CTNNA2: variants seen among roughly 807,000 people sequenced by gnomAD.
CTNNA2 encodes catenin alpha 2.
A neutral mutation model predicts 101.0 loss-of-function variants in CTNNA2; 42 were observed. That is an observed-to-expected ratio of 0.42 (90% CI 0.32 to 0.54). The LOEUF (loss-of-function observed/expected upper bound fraction) is 0.54, where lower values mean the gene tolerates loss of function less well. Ranked by LOEUF, CTNNA2 falls within the 20% of genes least tolerant of loss-of-function variation. The pLI is 0.14. For synonymous variants in CTNNA2, 450 were observed against 456.4 expected (o/e 0.99, Z 0.18); for missense variants, 871 against 1,223.1 (o/e 0.71, Z 4.29).
At chr2:79,475,375 C>G (rs1232376891) in intron 4 of CTNNA2, among the ~76,000 whole-genome samples, 2 of 152,100 alleles carry the variant, frequency 1.3e-5, no homozygotes, top group Non-Finnish European at 2.9e-5. Context: ...AAAGGGAAGA[C>G]AAGTGAAGCT....
chr2:80,054,282 A>G (rs1036649614), intron 7 of CTNNA2, among the ~76,000 whole-genome samples: 25 of 152,170 alleles, frequency 1.6e-4, no homozygotes, highest in African/African-American at 5.8e-4. Context: ...TTGTGTTAGC[A>G]TTTGCTTTAG....
chr2:79,502,112 C>T (rs547588115), intron 4 of CTNNA2, among the ~76,000 whole-genome samples: 1 of 151,848 alleles, frequency 6.6e-6, no homozygotes, highest in African/African-American at 2.4e-5. Flanking sequence ...TAGCAAACAC[C>T]TGGGGCACAA....
At chr2:79,194,531 G>T (rs1468284416) in intron 1 of CTNNA2, among the ~76,000 whole-genome samples, 1 of 152,156 alleles carries the variant, frequency 6.6e-6, no homozygotes, top group East Asian at 1.9e-4. Flanking sequence ...TCAGCAAATA[G>T]GTTTCAGGAC....
intron 7 of CTNNA2, among the ~76,000 whole-genome samples, chr2:79,955,088 A>T (rs1275292564): frequency 6.6e-6 from 1 of 152,208 alleles, no homozygotes; most frequent in Non-Finnish European, 1.5e-5. Flanking sequence ...TGACTGCACC[A>T]GTTTAAAGCA....
At chr2:79,503,053 G>A (rs578235055) in intron 4 of CTNNA2, among the ~76,000 whole-genome samples, 4 of 152,106 alleles carry the variant, frequency 2.6e-5, no homozygotes, top group East Asian at 1.9e-4. Flanking sequence ...CTCATATCCC[G>A]ATATGGCACT....
At chr2:79,782,117 AT>A (rs1558924740) in intron 3 of CTNNA2, among the ~76,000 whole-genome samples, 1 of 152,152 alleles carries the variant, frequency 6.6e-6, no homozygotes, top group Non-Finnish European at 1.5e-5. Context: ...AAATCTTTAA[AT>A]TTTTTAAGGT....
intron 2 of CTNNA2, among the ~76,000 whole-genome samples, chr2:79,246,833 A>G (rs1674706676): frequency 6.6e-6 from 1 of 152,244 alleles, no homozygotes; most frequent in Non-Finnish European, 1.5e-5. Context: ...CATACTTGCT[A>G]ATTTCTGACT....
intron 7 of CTNNA2, among the ~76,000 whole-genome samples, chr2:80,247,838 T>A (rs1671446614): frequency 6.6e-6 from 1 of 152,040 alleles, no homozygotes; most frequent in South Asian, 2.1e-4. Flanking sequence ...TGAAGGAAAA[T>A]GAAATTAGAG....
At chr2:80,419,075 C>T (rs760775755) in intron 8 of CTNNA2, among the ~76,000 whole-genome samples, 6 of 152,110 alleles carry the variant, frequency 3.9e-5, no homozygotes, top group East Asian at 1.9e-4. Flanking sequence ...AAAGTTCTCC[C>T]GACTTGTTGG....
rs534028267 is a variant in CTNNA2, at chr2:79,845,451, C to A, written c.299-12562C>A. On this transcript the variant is annotated intron_variant, in intron 3 of 18. Coordinates refer to ENST00000402739, the MANE Select transcript of CTNNA2 (RefSeq NM_001282597.3). ...AGCACACATATAGCTATGTTCATATCATCAATGGTGCGCACTAAGAGAGTA... is the reference window on the plus strand; with the variant it reads ...AGCACACATATAGCTATGTTCATATAATCAATGGTGCGCACTAAGAGAGTA... 1.3e-5 allele frequency among the ~76,000 whole-genome samples: 2 copies of A among 152,194 alleles called. 1 individual carries two copies. Among genetic ancestry groups the A allele is most frequent in the African/African-American group, 4.8e-5 (2 of 41,518 alleles).
chr2:79,445,425 A>G (rs1678822303), intron 4 of CTNNA2, among the ~76,000 whole-genome samples: 1 of 152,164 alleles, frequency 6.6e-6, no homozygotes, highest in Non-Finnish European at 1.5e-5. Context: ...TCTCCTTCTT[A>G]TCTGTGAAAC....
intron 3 of CTNNA2, chr2:79,340,128 A>G (rs1195073832): frequency 6.6e-6 from 1 of 152,196 alleles, no homozygotes; most frequent in Non-Finnish European, 1.5e-5. Context: ...TGAGAGGTCC[A>G]TATTGTTATT....
intron 1 of CTNNA2, among the ~76,000 whole-genome samples, chr2:79,602,151 C>A (rs141902276): frequency 7.2e-4 from 109 of 152,222 alleles, no homozygotes; most frequent in Non-Finnish European, 1.3e-3. Flanking sequence ...AAGCCAGAGA[C>A]CATCTAGAGT....
At chr2:80,581,629 G>C (rs999970237) in intron 13 of CTNNA2, 77 bp from the exon 14 acceptor site, 2 of 878,248 alleles carry the variant, frequency 2.3e-6, no homozygotes, top group Non-Finnish European at 3.8e-6. Context: ...GGGATATTTA[G>C]CCTTTGCAAT....
At chr2:79,349,188 A>G (rs1314672174) in intron 3 of CTNNA2, among the ~76,000 whole-genome samples, 2 of 152,194 alleles carry the variant, frequency 1.3e-5, no homozygotes. Flanking sequence ...AAGTTTGTGG[A>G]TAGGGTATTG....
At chr2:79,782,657 T>A (rs1674541556) in intron 3 of CTNNA2, among the ~76,000 whole-genome samples, 1 of 152,230 alleles carries the variant, frequency 6.6e-6, no homozygotes, top group Non-Finnish European at 1.5e-5. Flanking sequence ...GTTGTCTTCC[T>A]GCTTGGGCAG....
Position 79,449,617 on chromosome 2 carries a change from CCT to C in CTNNA2, c.-134-55434_-134-55433del, listed in dbSNP as rs1481984878. On this transcript the variant is annotated intron_variant, in intron 4 of 21. Transcript: ENST00000466387. The stretch of plus-strand genomic sequence containing the variant: ...AAAAAATACTTCAGGAAACAGTTTA[CCT>C]CTGTTTTTTATGTGTTTTTATCACT... Among the ~76,000 whole-genome samples the C allele has an allele frequency of 4.6e-5, 7 of 152,128 alleles. No homozygotes were observed. The South Asian group carries it at 1.5e-3, about 32-fold the overall frequency.
At chr2:80,485,016 A>AATC (rs747024340) in intron 9 of CTNNA2, among the ~76,000 whole-genome samples, 1 of 152,120 alleles carries the variant, frequency 6.6e-6, no homozygotes, top group East Asian at 1.9e-4. Context: ...AAATAATAAT[A>AATC]ATAACAATAA....
At chr2:80,217,580 C>G (rs891263034) in intron 7 of CTNNA2, among the ~76,000 whole-genome samples, 1 of 152,128 alleles carries the variant, frequency 6.6e-6, no homozygotes, top group Non-Finnish European at 1.5e-5. Context: ...CAAATCCAAA[C>G]CTGCTCTAAG....
Sources: gnomAD v4.1 joint callset for allele counts (sites outside exome capture counted in the v4.1 genomes callset) on GRCh38, gnomAD v4.1.1 for gene constraint, MANE v1.5 for transcripts, NCBI Gene and HGNC (gene_info 2026-07-23, HGNC 2026-07-21) for gene names.